Variants in VEZT observed in about 807,000 individuals in gnomAD.
VEZT encodes vezatin, adherens junctions transmembrane protein, also known as vezatin.
A neutral mutation model predicts 79.9 loss-of-function variants in VEZT; 39 were observed. The observed-to-expected ratio is 0.49, with a 90% CI of 0.38 to 0.64. The LOEUF is 0.64. VEZT is among the 30% of genes least tolerant of loss of function. The pLI is 0.00. For synonymous variants in VEZT, 325 were observed against 327.6 expected (o/e 0.99, Z 0.09); for missense variants, 837 against 893.1 (o/e 0.94, Z 0.80).
At chr12:95,257,765 G>A (rs1001514068) in intron 3 of VEZT, among the ~76,000 whole-genome samples, 1 of 152,170 alleles carries the variant, frequency 6.6e-6, no homozygotes, top group Non-Finnish European at 1.5e-5. Flanking sequence ...ATGGCTCCCA[G>A]AAGGAGTAAT....
At chr12:95,227,027 C>T (rs1328338436) in intron 1 of VEZT, among the ~76,000 whole-genome samples, 1 of 152,198 alleles carries the variant, frequency 6.6e-6, no homozygotes, top group African/African-American at 2.4e-5. Flanking sequence ...GATACTATGT[C>T]TAATGTGAAT....
intron 1 of VEZT, among the ~76,000 whole-genome samples, chr12:95,218,792 G>A (rs889312807): frequency 1.3e-5 from 2 of 152,206 alleles, no homozygotes; most frequent in Admixed American, 6.5e-5. Context: ...TGTTCTTGCG[G>A]CCTCCCAGAG....
chr12:95,285,011 G>A lies in VEZT; in HGVS notation c.1328+2367G>A, dbSNP rs556517389. Among the ~76,000 whole-genome samples, 25 of 150,398 alleles carry A rather than the reference G, an allele frequency of 1.7e-4. 1 individual carries two copies. In the South Asian group the frequency reaches 4.9e-3, roughly 29 times the overall value. On this transcript the variant is annotated intron_variant, in intron 8 of 11. Coordinates refer to ENST00000436874, the MANE Select transcript of VEZT (RefSeq NM_017599.4). Reference sequence around the variant, plus strand: ...TGAGGCAGGAGAATGGTGTGAACCCGGCAGGTGGAGCTTTCAGTGAGCCAA... The same window carrying A: ...TGAGGCAGGAGAATGGTGTGAACCCAGCAGGTGGAGCTTTCAGTGAGCCAA...
intron 3 of VEZT, among the ~76,000 whole-genome samples, chr12:95,261,849 G>A (rs1359025628): frequency 1.3e-5 from 2 of 152,200 alleles, no homozygotes; most frequent in Non-Finnish European, 2.9e-5. Flanking sequence ...TTGGGCTTTG[G>A]TGTTCTCCCC....
intron 3 of VEZT, among the ~76,000 whole-genome samples, chr12:95,259,313 T>A (rs1218752885): frequency 6.6e-6 from 1 of 152,210 alleles, no homozygotes; most frequent in East Asian, 1.9e-4. Flanking sequence ...TAATAATTAC[T>A]TTGTGTTCTA....
intron 5 of VEZT, among the ~76,000 whole-genome samples, chr12:95,268,830 C>T (rs1219628252): frequency 6.6e-6 from 1 of 152,130 alleles, no homozygotes; most frequent in Non-Finnish European, 1.5e-5. Context: ...TAGACATTTT[C>T]AAAATTAGAC....
chr12:95,227,118 A>C (rs1040364872), intron 1 of VEZT, among the ~76,000 whole-genome samples: 2 of 152,210 alleles, frequency 1.3e-5, no homozygotes, highest in Admixed American at 6.5e-5. Flanking sequence ...TTTGAGAGTA[A>C]GAATTCTCCA....
chr12:95,229,997 C>T (rs57309969), intron 1 of VEZT, among the ~76,000 whole-genome samples: 16,696 of 150,430 alleles, frequency 0.11, 1,328 homozygotes, highest in African/African-American at 0.23. Context: ...CCCAGCTACT[C>T]GGGAGGCTGA....
intron 1 of VEZT, among the ~76,000 whole-genome samples, chr12:95,226,905 A>T (rs1169642028): frequency 6.8e-6 from 1 of 147,522 alleles, no homozygotes; most frequent in African/African-American, 2.6e-5. Flanking sequence ...TGTTTTAATT[A>T]GAATCTTCTA....
chr12:95,275,258 A>C, intron 7 of VEZT, among the ~76,000 whole-genome samples: 1 of 152,140 alleles, frequency 6.6e-6, no homozygotes, highest in East Asian at 1.9e-4. Context: ...TTTTTTTCAT[A>C]CATCAAAAGC....
chr12:95,299,536 T>A (rs2074890743), intron 11 of VEZT: 1 of 152,198 alleles, frequency 6.6e-6, no homozygotes, highest in Non-Finnish European at 1.5e-5. Context: ...GGCTTTTCTT[T>A]CATTAGGGTC....
chr12:95,269,364 T>C (rs1474645138), intron 5 of VEZT, among the ~76,000 whole-genome samples: 1 of 152,184 alleles, frequency 6.6e-6, no homozygotes, highest in African/African-American at 2.4e-5. Context: ...TACTATGCAG[T>C]AACCCTTACT....
chr12:95,300,803 C>A lies in VEZT; in HGVS notation c.*130C>A. ...TAAGATGTGGATTTACAGGAAGAACCCTGGTTTGAATAACTGATCTGAAAT... is the reference window on the plus strand; with the variant it reads ...TAAGATGTGGATTTACAGGAAGAACACTGGTTTGAATAACTGATCTGAAAT... On this transcript the variant is annotated 3_prime_UTR_variant, in exon 12 of 12. Transcript: ENST00000436874. The A allele has an allele frequency of 7.9e-7, 1 of 1,273,372 alleles. No homozygotes were observed. The highest frequency in any genetic ancestry group is 1.0e-6 in the Non-Finnish European group (1 of 985,618). The allele number at this position is 1,273,372 out of a possible 1,614,324, so 78.9% of individuals were successfully genotyped here.
At chr12:95,280,249 C>T (rs985827284) in intron 7 of VEZT, among the ~76,000 whole-genome samples, 1 of 152,142 alleles carries the variant, frequency 6.6e-6, no homozygotes, top group African/African-American at 2.4e-5. Context: ...CATTGCTTAC[C>T]TGGCCCCAGC....
chr12:95,232,961 A>G (rs2059478505), intron 1 of VEZT, among the ~76,000 whole-genome samples: 1 of 151,976 alleles, frequency 6.6e-6, no homozygotes, highest in South Asian at 2.1e-4. Context: ...GTGTACCACC[A>G]TGTTTGACTA....
intron 8 of VEZT, among the ~76,000 whole-genome samples, chr12:95,285,973 C>T (rs373584707): frequency 0.014 from 2,078 of 146,978 alleles, 61 homozygotes; most frequent in African/African-American, 0.048. Context: ...ACGCTCCCCC[C>T]GACCCCTTCT....
intron 11 of VEZT, among the ~76,000 whole-genome samples, chr12:95,298,331 A>G (rs571483276): frequency 6.6e-6 from 1 of 152,108 alleles, no homozygotes; most frequent in Non-Finnish European, 1.5e-5. Flanking sequence ...TTGAACCCCA[A>G]AGCATATAGC....
At chr12:95,237,813 T>TAA (rs1159068726) in intron 1 of VEZT, among the ~76,000 whole-genome samples, 1 of 152,204 alleles carries the variant, frequency 6.6e-6, no homozygotes, top group South Asian at 2.1e-4. Context: ...CTTAGGCTAA[T>TAA]AAGTATAGAG....
At chr12:95,266,280 TG>T in intron 4 of VEZT, 76 bp from the exon 5 acceptor site, 3 of 1,446,856 alleles carry the variant, frequency 2.1e-6, no homozygotes, top group Non-Finnish European at 2.8e-6. Context: ...ATTTAAATTT[TG>T]TTTTTACTGA....
Sources: gnomAD v4.1 joint callset for allele counts (sites outside exome capture counted in the v4.1 genomes callset) on GRCh38, gnomAD v4.1.1 for gene constraint, MANE v1.5 for transcripts, NCBI Gene and HGNC (gene_info 2026-07-23, HGNC 2026-07-21) for gene names.